Variants in GRAMD1A observed in about 807,000 individuals in gnomAD.
GRAMD1A encodes the protein protein Aster-A.
GRAMD1A carries 50 observed loss-of-function variants against 92.0 expected under a neutral mutation model. The ratio of observed to expected loss-of-function variants is 0.54; its 90% confidence interval spans 0.43 to 0.69. The LOEUF is 0.69. GRAMD1A is among the 30% of genes least tolerant of loss of function. The pLI is 0.00. For synonymous variants in GRAMD1A, 405 were observed against 403.6 expected, an observed-to-expected ratio of 1.00 and a Z score of -0.04; for missense variants, 819 against 978.9, an observed-to-expected ratio of 0.84 and a Z score of 2.18.
At position 35,013,301 on chromosome 19, in the gene GRAMD1A, G is replaced by C. The variant is rs773224886; in HGVS notation, c.652G>C (p.Gly218Arg). 6 of 1,552,320 alleles carry C rather than the reference G, an allele frequency of 3.9e-6. No homozygotes were observed. Among genetic ancestry groups the C allele is most frequent in the Non-Finnish European group, 5.2e-6 (6 of 1,147,398 alleles). ...CTGGCACCTGGTGCATCAGTGCTAC[G>C]GCTCAGAGCTGGGCCTCACCAGTGA... ...ELWHLVHQCY[G>R]SELGLTSEDE... Residue 218 changes from glycine to arginine, a missense_variant, in exon 8 of 20, where the codon GGC (glycine) becomes CGC (arginine). Coordinates refer to ENST00000317991, the MANE Select transcript of GRAMD1A (RefSeq NM_020895.5). This position sits in a 1 kb window ranked among gnomAD's most constrained non-coding sequence, Gnocchi z 4.9.
At chr19:35,006,049 G>A (rs1473791197) in intron 1 of GRAMD1A, 1 of 450,772 alleles carries the variant, frequency 2.2e-6, no homozygotes, top group Admixed American at 2.4e-5. Context: ...CCCATGGCCA[G>A]GTGCAGTGGC....
chr19:35,018,080 T>G (rs2015769882), intron 11 of GRAMD1A, among the ~76,000 whole-genome samples: 1 of 152,070 alleles, frequency 6.6e-6, no homozygotes, highest in Non-Finnish European at 1.5e-5. Context: ...CTCTGCCTTC[T>G]GGGTTTAAGC....
upstream of GRAMD1A, chr19:34,998,746 G>A (rs984450289): frequency 2.0e-5 from 3 of 150,824 alleles, no homozygotes; most frequent in Non-Finnish European, 4.4e-5. Flanking sequence ...GGCAGCAAAT[G>A]TCAGATGGTG....
chr19:34,997,897 A>G (rs2014106578), upstream of GRAMD1A, among the ~76,000 whole-genome samples: 1 of 151,924 alleles, frequency 6.6e-6, no homozygotes, highest in South Asian at 2.1e-4. Flanking sequence ...GTGAAACCCC[A>G]TCTCTACTAA....
At chr19:34,995,561 C>G (rs2013990467), upstream of GRAMD1A, among the ~76,000 whole-genome samples, 2 of 128,270 alleles carry the variant, frequency 1.6e-5, no homozygotes, top group Admixed American at 1.6e-4. Context: ...CTCTGACTCT[C>G]AGATCACGGG....
intron 1 of GRAMD1A, among the ~76,000 whole-genome samples, chr19:34,995,105 T>C (rs192251425): frequency 1.6e-4 from 25 of 152,230 alleles, no homozygotes; most frequent in Admixed American, 1.0e-3. Context: ...CTCCCTTTGT[T>C]TGTCTTGGGA....
chr19:35,007,634 A>C (rs1026812581), intron 1 of GRAMD1A, among the ~76,000 whole-genome samples: 2 of 152,112 alleles, frequency 1.3e-5, no homozygotes, highest in East Asian at 1.9e-4. Context: ...GTAGTGCCCA[A>C]GGTGGGAGGA....
intron 1 of GRAMD1A, among the ~76,000 whole-genome samples, chr19:35,001,952 T>C (rs2014405910): frequency 6.6e-6 from 1 of 151,952 alleles, no homozygotes; most frequent in Non-Finnish European, 1.5e-5. Context: ...GTTACATTTG[T>C]GACATTGTTG....
chr19:35,023,108 C>G, intron 17 of GRAMD1A, 128 bp from the exon 18 acceptor site: 1 of 828,712 alleles, frequency 1.2e-6, no homozygotes, highest in Non-Finnish European at 2.1e-6. Flanking sequence ...GCATGTCTCT[C>G]ATCCTCTCTG....
rs532562212 is a variant in GRAMD1A at position 35,003,401 on chromosome 19, G to A, written c.8+2915G>A. On this transcript the variant is annotated intron_variant, in intron 1 of 19. Coordinates refer to ENST00000317991, the MANE Select transcript of GRAMD1A (RefSeq NM_020895.5). ...AACAACATCCCTTCCGAGTCTCCTCGCCCCTATAACAGTCCCCCAGGCTCC... is the reference window on the plus strand; with the variant it reads ...AACAACATCCCTTCCGAGTCTCCTCACCCCTATAACAGTCCCCCAGGCTCC... Among the ~76,000 whole-genome samples, 56 of 152,180 alleles carry A rather than the reference G, an allele frequency of 3.7e-4. 1 individual carries two copies. In the South Asian group the frequency reaches 5.2e-3, roughly 14 times the overall value.
intron 11 of GRAMD1A, among the ~76,000 whole-genome samples, 200 bp from the exon 12 acceptor site, chr19:35,018,991 A>T (rs970649277): frequency 6.6e-6 from 1 of 151,922 alleles, no homozygotes; most frequent in African/African-American, 2.4e-5. Context: ...CAGAGGGGGA[A>T]ACTGAGGCTG....
upstream of GRAMD1A, chr19:34,996,401 A>G: frequency 1.2e-6 from 1 of 837,926 alleles, no homozygotes; most frequent in Non-Finnish European, 1.8e-6. Context: ...CCTTAGCCCC[A>G]CAGAGGGCTG....
chr19:35,019,158 G>A lies in GRAMD1A; in HGVS notation c.1214-33G>A. 4 of 1,422,412 alleles carry A rather than the reference G, an allele frequency of 2.8e-6. No homozygotes were observed. In the African/African-American group the frequency reaches 4.3e-5, roughly 15 times the overall value. The allele number at this position is 1,422,412 out of a possible 1,614,324, so 88.1% of individuals were successfully genotyped here. A position where few individuals can be genotyped will look rare whatever the true frequency, so the allele number is the denominator to read the frequency against. ...TGGCCTGTGGGCAAAGGACTGGGGT[G>A]TGGCCTCCTCATGCTGCTCCTCCCT... On this transcript the variant is annotated intron_variant, in intron 11 of 19. Coordinates refer to ENST00000317991, the MANE Select transcript of GRAMD1A (RefSeq NM_020895.5).
At chr19:35,014,687 G>A (rs1060892) in intron 10 of GRAMD1A, 124,489 of 446,604 alleles carry the variant, frequency 0.28, 19,210 homozygotes, top group Middle Eastern at 0.44. Flanking sequence ...CTCTGAAAAT[G>A]GGGTTAACAA....
intron 1 of GRAMD1A, among the ~76,000 whole-genome samples, chr19:35,004,108 A>G (rs56315835): frequency 0.1 from 15,942 of 152,168 alleles, 920 homozygotes; most frequent in East Asian, 0.15. Context: ...GTGAGACTGT[A>G]GTCCCAGCTA....
chr19:35,001,498 G>GCGTCC (rs2014368012), intron 1 of GRAMD1A, among the ~76,000 whole-genome samples: 2 of 152,230 alleles, frequency 1.3e-5, no homozygotes, highest in African/African-American at 4.8e-5. Context: ...TTACCAGTGT[G>GCGTCC]CGTCCCATTG....
chr19:35,015,753 G>A, intron 10 of GRAMD1A, 71 bp from the exon 11 acceptor site: 4 of 1,471,814 alleles, frequency 2.7e-6, no homozygotes, highest in South Asian at 2.6e-5. Context: ...GCCTGGGAGT[G>A]GGGAGGCGTG....
upstream of GRAMD1A, among the ~76,000 whole-genome samples, chr19:34,999,707 C>A (rs1429968273): frequency 6.6e-6 from 1 of 152,232 alleles, no homozygotes; most frequent in Non-Finnish European, 1.5e-5. Flanking sequence ...ACTCCCAGCA[C>A]TGGGGTGATG....
At chr19:35,008,531 A>G (rs532227027) in intron 1 of GRAMD1A, among the ~76,000 whole-genome samples, 42 of 151,350 alleles carry the variant, frequency 2.8e-4, no homozygotes, top group African/African-American at 1.0e-3. Flanking sequence ...CTCAAAAAAA[A>G]TTAAAGTAGG....
Sources: gnomAD v4.1 joint callset for allele counts (sites outside exome capture counted in the v4.1 genomes callset) on GRCh38, gnomAD v4.1.1 for gene constraint, Gnocchi (gnomAD v3.1) non-coding constraint, MANE v1.5 for transcripts, NCBI Gene and HGNC (gene_info 2026-07-23, HGNC 2026-07-21) for gene names.